Variants in ADAMTSL2 observed in about 807,000 individuals in gnomAD.
The protein encoded by ADAMTSL2 is ADAMTS-like protein 2.
Under a neutral mutation model 117.0 loss-of-function variants are expected in ADAMTSL2, and 55 were observed. That is an observed-to-expected ratio of 0.47 (90% CI 0.38 to 0.59). The LOEUF (loss-of-function observed/expected upper bound fraction) is 0.59. ADAMTSL2 is among the 20% of genes least tolerant of loss of function. The probability of loss-of-function intolerance (pLI) is 0.00; values close to 1 mark genes in which losing one functional copy is unlikely to be tolerated. For missense variants in ADAMTSL2, 1,182 were observed against 1,354.5 expected (o/e 0.87, Z 2.00); for synonymous variants, 572 against 566.4 (o/e 1.01, Z -0.14).
chr9:133,573,703 G>A lies in ADAMTSL2; in HGVS notation c.2593-140G>A, dbSNP rs1356008583. The A allele has an allele frequency of 7.0e-6, 7 of 1,001,502 alleles. No homozygotes were observed. In the East Asian group the frequency reaches 1.0e-4, roughly 15 times the overall value. 62.0% of individuals were successfully genotyped at this position (1,001,502 alleles called of 1,614,324 possible). A position where few individuals can be genotyped will look rare whatever the true frequency, so the allele number is the denominator to read the frequency against. On this transcript the variant is annotated intron_variant, in intron 17 of 18. Coordinates refer to ENST00000651351, the MANE Select transcript of ADAMTSL2 (RefSeq NM_014694.4). ...GGTCTAGTTTCAAATGGGCTTCCACGGGTCCTGTGTCAGTTGGGACTCATG... is the reference window on the plus strand; with the variant it reads ...GGTCTAGTTTCAAATGGGCTTCCACAGGTCCTGTGTCAGTTGGGACTCATG...
At chr9:133,561,418 G>T in intron 12 of ADAMTSL2, 123 bp downstream of exon 12, 1 of 855,770 alleles carries the variant, frequency 1.2e-6, no homozygotes, top group Non-Finnish European at 1.9e-6. Context: ...GTGCTTGTCC[G>T]TGGCCTCCTG....
chr9:133,561,214 C>T lies in ADAMTSL2; in HGVS notation c.1666C>T (p.Arg556Cys), dbSNP rs1362887844. Residue 556 changes from arginine (R) to cysteine (C), a missense_variant, in exon 12 of 19, where the codon CGC becomes TGC. Transcript: ENST00000651351. ...CGCTTTCAGGACCAGGCCCAAGGCG[C>T]GCAAGCAAGGCGTGAGTCCCGCGGA... is the stretch of plus-strand genomic sequence containing the variant. ...THKARTRPKARKQGVSPADMY... is the reference protein window; with the variant it reads ...THKARTRPKACKQGVSPADMY... The T allele has an allele frequency of 1.9e-6, 3 of 1,607,572 alleles. No individual in the cohort carries two copies. The highest frequency in any genetic ancestry group is 2.2e-5 in the East Asian group (1 of 44,716).
Position 133,574,911 on chromosome 9 carries a change from TG to T in ADAMTSL2, c.*51del. On this transcript the variant is annotated 3_prime_UTR_variant, in exon 19 of 19. Transcript: ENST00000651351. ...CCAGATGAAGACCAAGCGCCCCTCC[TG>T]GGGCTGCTGCAGCTTCTGGGGCCTC... The T allele has an allele frequency of 6.8e-7, 1 of 1,472,332 alleles. No homozygotes were observed. Among genetic ancestry groups the T allele is most frequent in the South Asian group, 1.1e-5 (1 of 88,492 alleles). The allele number at this position is 1,472,332 out of a possible 1,614,324, so 91.2% of individuals were successfully genotyped here. A position where few individuals can be genotyped will look rare whatever the true frequency, so the allele number is the denominator to read the frequency against.
chr9:133,534,422 C>T, upstream of ADAMTSL2: 1 of 274,000 alleles, frequency 3.6e-6, no homozygotes, highest in Non-Finnish European at 6.8e-6. Context: ...CCAGCCTCCC[C>T]GGTAACCTCA....
rs1352166200 is a variant in ADAMTSL2 at position 133,534,824 on chromosome 9, C to G, written c.-244C>G. The G allele has an allele frequency of 2.0e-6, 3 of 1,493,636 alleles. No individual in the cohort carries two copies. In the East Asian group the frequency reaches 8.5e-5, roughly 42 times the overall value. The allele number at this position is 1,493,636 out of a possible 1,614,324, so 92.5% of individuals were successfully genotyped here. On this transcript the variant is annotated 5_prime_UTR_variant, in exon 1 of 19. Coordinates refer to ENST00000651351, the MANE Select transcript of ADAMTSL2 (RefSeq NM_014694.4). ...GGCCGGGCCGCAGCCTCTGCACTCA[C>G]GCCGCCCCCGCACGCACAGCGCACC...
At chr9:133,542,576 A>G (rs1830251098) in intron 7 of ADAMTSL2, among the ~76,000 whole-genome samples, 1 of 152,168 alleles carries the variant, frequency 6.6e-6, no homozygotes, top group African/African-American at 2.4e-5. Context: ...ATTCTTCTCC[A>G]TATTCACAAG....
At chr9:133,570,211 C>G in intron 16 of ADAMTSL2, 120 bp from the exon 17 acceptor site, 1 of 1,139,822 alleles carries the variant, frequency 8.8e-7, no homozygotes, top group Non-Finnish European at 1.2e-6. Context: ...TTGTTATGCA[C>G]TGGAGCATTC....
intron 7 of ADAMTSL2, among the ~76,000 whole-genome samples, chr9:133,543,773 TC>T (rs1267689399): frequency 6.6e-6 from 1 of 152,202 alleles, no homozygotes; most frequent in African/African-American, 2.4e-5. Flanking sequence ...TCTCTCCTTC[TC>T]CCCAGGCTCC....
Position 133,554,382 on chromosome 9 carries a change from C to A in ADAMTSL2, c.965C>A (p.Pro322His). The A allele has an allele frequency of 1.3e-6, 2 of 1,560,208 alleles. No homozygotes were observed. The highest frequency in any genetic ancestry group is 2.3e-5 in the East Asian group (1 of 43,100). The change falls in exon 10 of 19, where the codon CCC (proline) becomes CAC (histidine). Residue 322 changes from proline (P) to histidine (H), a missense_variant. Coordinates refer to ENST00000651351, the MANE Select transcript of ADAMTSL2 (RefSeq NM_014694.4). This position sits in a 1 kb window ranked among gnomAD's most constrained non-coding sequence, Gnocchi z 5.2. ...VMVWNQNGKS[P>H]SITFEYTLLQ... ...GTGTGGAACCAGAACGGCAAAAGCCCCTCCATCACCTTCGAGTACACGCTG... is the reference window on the plus strand; with the variant it reads ...GTGTGGAACCAGAACGGCAAAAGCCACTCCATCACCTTCGAGTACACGCTG...
chr9:133,566,512 C>T (rs2131176188), intron 12 of ADAMTSL2, among the ~76,000 whole-genome samples: 1 of 152,260 alleles, frequency 6.6e-6, no homozygotes, highest in East Asian at 1.9e-4. Context: ...GCGCCCGAAC[C>T]CCCACCATGA....
At chr9:133,573,545 A>G (rs898968417) in intron 17 of ADAMTSL2, among the ~76,000 whole-genome samples, 72 of 152,262 alleles carry the variant, frequency 4.7e-4, no homozygotes, top group African/African-American at 1.5e-3. Context: ...CCCCTGGGAA[A>G]TGAGAGAGGA....
intron 7 of ADAMTSL2, among the ~76,000 whole-genome samples, 173 bp downstream of exon 7, chr9:133,541,174 G>A (rs539774707): frequency 2.1e-4 from 32 of 152,306 alleles, no homozygotes; most frequent in African/African-American, 5.5e-4. Context: ...GTAGGCCTCC[G>A]TTGGCTTGCA....
chr9:133,568,716 C>T lies in ADAMTSL2; in HGVS notation c.2202C>T (p.Gly734=). 4 of 1,613,252 alleles carry T rather than the reference C, an allele frequency of 2.5e-6. No individual in the cohort carries two copies. The South Asian group carries it at 3.3e-5, about 13-fold the overall frequency. The change falls in exon 15 of 19, where the codon GGC becomes GGT. Residue 734 remains glycine, a synonymous_variant. Coordinates refer to ENST00000651351, the MANE Select transcript of ADAMTSL2 (RefSeq NM_014694.4). ...CTGTAGGGGAGAAGAACTGCACGGG[C>T]CCGCCCTGTGACCGGCAGTGGACCG... The part of the protein sequence containing the change: ...TRPVGEKNCT[G]PPCDRQWTVS...
At position 133,558,190 on chromosome 9, in the gene ADAMTSL2, A is replaced by G. The variant is rs1830648680; in HGVS notation, c.1649+2260A>G. Reference sequence around the variant, plus strand: ...GATCAACTAGGCTGTCAGCACTCAGAAAGGCCCTGACTGCTGAGATGCCGC... The same window carrying G: ...GATCAACTAGGCTGTCAGCACTCAGGAAGGCCCTGACTGCTGAGATGCCGC... On this transcript the variant is annotated intron_variant, in intron 11 of 18. Coordinates refer to ENST00000651351, the MANE Select transcript of ADAMTSL2 (RefSeq NM_014694.4). This position sits in a 1 kb window ranked among gnomAD's most constrained non-coding sequence, Gnocchi z 4.3. Among the ~76,000 whole-genome samples, 1 of 152,214 alleles carries G rather than the reference A, an allele frequency of 6.6e-6. No individual in the cohort carries two copies. Among genetic ancestry groups the G allele is most frequent in the South Asian group, 2.1e-4 (1 of 4,836 alleles).
Position 133,547,330 on chromosome 9 carries a change from C to T in ADAMTSL2, c.939+117C>T, listed in dbSNP as rs1830376063. 4.0e-5 allele frequency: 41 copies of T among 1,024,888 alleles called. No individual in the cohort carries two copies. In the South Asian group the frequency reaches 4.6e-4, roughly 11 times the overall value. 63.5% of individuals were successfully genotyped at this position (1,024,888 alleles called of 1,614,324 possible). A position where few individuals can be genotyped will look rare whatever the true frequency, so the allele number is the denominator to read the frequency against. On this transcript the variant is annotated intron_variant, in intron 9 of 18. Transcript: ENST00000651351. ...CCCCCAGGGCCACTGTGCGCGTGCA[C>T]CCGGCAGCCTCACCACTCTGCGTGG...
At chr9:133,562,603 C>T (rs1406110480) in intron 12 of ADAMTSL2, among the ~76,000 whole-genome samples, 4 of 110,106 alleles carry the variant, frequency 3.6e-5, no homozygotes, top group South Asian at 2.6e-4. Context: ...CCGCCGTGGG[C>T]GGCGTGGCGG....
chr9:133,541,838 T>C (rs1394891336), intron 7 of ADAMTSL2, among the ~76,000 whole-genome samples: 1 of 152,238 alleles, frequency 6.6e-6, no homozygotes, highest in Non-Finnish European at 1.5e-5. Context: ...CGTCTGTGCA[T>C]GGGACAGCAC....
At chr9:133,566,779 G>A in intron 12 of ADAMTSL2, 157 bp from the exon 13 acceptor site, 2 of 978,672 alleles carry the variant, frequency 2.0e-6, no homozygotes, top group Middle Eastern at 4.2e-4. Context: ...CAGACCCACA[G>A]TGCTGCCCTC....
At chr9:133,560,218 C>T (rs1025601315) in intron 11 of ADAMTSL2, among the ~76,000 whole-genome samples, 2 of 152,230 alleles carry the variant, frequency 1.3e-5, no homozygotes, top group African/African-American at 4.8e-5. Flanking sequence ...GGCTTGGGGT[C>T]ATCTCTAGCC....
Sources: allele counts gnomAD v4.1 joint callset (sites outside exome capture counted in the v4.1 genomes callset), GRCh38; gene constraint gnomAD v4.1.1; non-coding constraint Gnocchi (gnomAD v3.1); transcripts MANE v1.5; gene names NCBI Gene and HGNC (gene_info 2026-07-23, HGNC 2026-07-21).